Variants in LDLRAD3 observed in about 807,000 individuals in gnomAD.
LDLRAD3 encodes the protein low-density lipoprotein receptor class A domain-containing protein 3.
LDLRAD3 carries 20 observed loss-of-function variants against 29.4 expected under a neutral mutation model. The observed-to-expected ratio is 0.68, with a 90% CI of 0.48 to 0.99. The LOEUF is 0.99. LDLRAD3 is among the 50% of genes least tolerant of loss of function. The probability of loss-of-function intolerance (pLI) is 0.00; values close to 1 mark genes in which losing one functional copy is unlikely to be tolerated. For synonymous variants in LDLRAD3, 157 were observed against 192.7 expected (o/e 0.81, Z 1.53); for missense variants, 420 against 454.3 (o/e 0.92, Z 0.69).
intron 2 of LDLRAD3, among the ~76,000 whole-genome samples, chr11:36,037,503 CG>C (rs1462938771): frequency 6.6e-6 from 1 of 152,044 alleles, no homozygotes; most frequent in Non-Finnish European, 1.5e-5. Flanking sequence ...TTATTAGAGA[CG>C]GGGTTTTACC....
chr11:36,054,004 G>T (rs1201005712), intron 2 of LDLRAD3, among the ~76,000 whole-genome samples: 3 of 152,138 alleles, frequency 2.0e-5, no homozygotes, highest in Non-Finnish European at 4.4e-5. Flanking sequence ...ATAAACTGTG[G>T]ATTGTATAAT....
intron 4 of LDLRAD3, among the ~76,000 whole-genome samples, chr11:36,119,402 G>A (rs181124628): frequency 1.3e-5 from 2 of 152,140 alleles, no homozygotes; most frequent in Admixed American, 6.5e-5. Flanking sequence ...ATTTTGGACT[G>A]TTTTCCAAAG....
intron 4 of LDLRAD3, among the ~76,000 whole-genome samples, chr11:36,169,136 CCTT>C (rs1412073153): frequency 2.0e-5 from 3 of 152,084 alleles, no homozygotes; most frequent in Admixed American, 6.6e-5. Flanking sequence ...CAAAACAAAT[CCTT>C]CTTATTGATC....
intron 4 of LDLRAD3, among the ~76,000 whole-genome samples, chr11:36,100,494 C>T (rs12361842): frequency 0.23 from 35,519 of 152,100 alleles, 4,460 homozygotes; most frequent in East Asian, 0.35. Flanking sequence ...GGCTGAAGTG[C>T]AGTGGCGTGA....
At chr11:35,967,717 G>GTA in intron 1 of LDLRAD3, 1 of 476,810 alleles carries the variant, frequency 2.1e-6, no homozygotes, top group South Asian at 1.5e-5. Context: ...AGTTGTGGCT[G>GTA]TATTTAAGTT....
chr11:36,089,767 T>G (rs1181437504), intron 3 of LDLRAD3, among the ~76,000 whole-genome samples: 1 of 151,406 alleles, frequency 6.6e-6, no homozygotes. Context: ...GCCTGGCTAA[T>G]TTTTAAACTT....
chr11:35,994,441 A>G (rs1049035878), intron 1 of LDLRAD3, among the ~76,000 whole-genome samples: 2 of 152,024 alleles, frequency 1.3e-5, no homozygotes, highest in East Asian at 3.9e-4. Flanking sequence ...TACCTTAATT[A>G]AAAATACTTT....
At chr11:36,147,207 T>A (rs1854210161) in intron 4 of LDLRAD3, among the ~76,000 whole-genome samples, 1 of 140,706 alleles carries the variant, frequency 7.1e-6, no homozygotes, top group African/African-American at 2.6e-5. Flanking sequence ...AAGCTCCGCC[T>A]CCCTGGTTCA....
intron 4 of LDLRAD3, among the ~76,000 whole-genome samples, chr11:36,180,096 G>C (rs1854736663): frequency 6.6e-6 from 1 of 152,188 alleles, no homozygotes; most frequent in Non-Finnish European, 1.5e-5. Context: ...TTCCCAAAGT[G>C]CCACATTCAG....
At chr11:36,166,787 GA>G (rs1854522239) in intron 4 of LDLRAD3, among the ~76,000 whole-genome samples, 1 of 152,122 alleles carries the variant, frequency 6.6e-6, no homozygotes, top group Non-Finnish European at 1.5e-5. Flanking sequence ...CTGTTAAAAT[GA>G]AGATTCTGAT....
intron 4 of LDLRAD3, among the ~76,000 whole-genome samples, chr11:36,108,276 C>T (rs962335009): frequency 4.1e-5 from 5 of 123,090 alleles, no homozygotes; most frequent in Admixed American, 1.1e-4. Context: ...GCCGAGATCG[C>T]GCCATTGCAC....
rs112001777 is a variant in LDLRAD3, at chr11:35,950,821, T to A, written c.46+6677T>A. On this transcript the variant is annotated intron_variant, in intron 1 of 5. Transcript: ENST00000315571. The stretch of plus-strand genomic sequence containing the variant: ...CACGGGGGCCAGGAGCAGTGACTCA[T>A]GCCTGTAATCCCAGCACTTTGGGGG... Among the ~76,000 whole-genome samples the A allele has an allele frequency of 5.9e-5, 9 of 152,298 alleles. 1 individual carries two copies. The highest frequency in any genetic ancestry group is 2.2e-4 in the African/African-American group (9 of 41,554).
intron 1 of LDLRAD3, among the ~76,000 whole-genome samples, chr11:36,034,800 G>C (rs1316795403): frequency 6.6e-6 from 1 of 152,238 alleles, no homozygotes; most frequent in Non-Finnish European, 1.5e-5. Context: ...TTTGTTTGCT[G>C]AAGGGTGTGT....
At chr11:36,103,049 T>C (rs914523045) in intron 4 of LDLRAD3, among the ~76,000 whole-genome samples, 2 of 152,170 alleles carry the variant, frequency 1.3e-5, no homozygotes, top group Non-Finnish European at 2.9e-5. Flanking sequence ...ATGTTAAGTA[T>C]GTTCACATTG....
intron 4 of LDLRAD3, among the ~76,000 whole-genome samples, chr11:36,207,765 T>C (rs1855230623): frequency 6.6e-6 from 1 of 151,950 alleles, no homozygotes; most frequent in African/African-American, 2.4e-5. Context: ...AGGCAGGCAT[T>C]GGAGGAGCTG....
At chr11:36,059,142 G>T (rs1852662568) in intron 2 of LDLRAD3, among the ~76,000 whole-genome samples, 1 of 152,086 alleles carries the variant, frequency 6.6e-6, no homozygotes, top group African/African-American at 2.4e-5. Flanking sequence ...AAGGTAAGAG[G>T]ACCACTTGAG....
chr11:36,040,175 A>AG (rs1852361979), intron 2 of LDLRAD3, among the ~76,000 whole-genome samples: 1 of 15,104 alleles, frequency 6.6e-5, no homozygotes, highest in Non-Finnish European at 3.6e-4. Flanking sequence ...GCTTCTTAAA[A>AG]AAGAATTCTT....
chr11:36,107,277 T>A (rs1175983493), intron 4 of LDLRAD3, among the ~76,000 whole-genome samples: 1 of 152,050 alleles, frequency 6.6e-6, no homozygotes, highest in East Asian at 1.9e-4. Context: ...CTTGGCTCAC[T>A]GCAACCTCCA....
chr11:36,050,484 T>A (rs1337958112), intron 2 of LDLRAD3, among the ~76,000 whole-genome samples: 1 of 152,194 alleles, frequency 6.6e-6, no homozygotes, highest in African/African-American at 2.4e-5. Flanking sequence ...CAGAACATGG[T>A]GGGTCTCTGC....
Sources: gnomAD v4.1 joint callset for allele counts (sites outside exome capture counted in the v4.1 genomes callset) on GRCh38, gnomAD v4.1.1 for gene constraint, MANE v1.5 for transcripts, NCBI Gene and HGNC (gene_info 2026-07-23, HGNC 2026-07-21) for gene names.